The following TMEM248 variants were observed in gnomAD, a reference collection of about 807,000 sequenced individuals.
TMEM248 encodes transmembrane protein 248, also known as UPF0458 protein C7orf42.
Under a neutral mutation model 30.3 loss-of-function variants are expected in TMEM248, and 9 were observed. That is an observed-to-expected ratio of 0.30 (90% CI 0.18 to 0.52). TMEM248 has a LOEUF of 0.52. Ranked by LOEUF, TMEM248 falls within the 20% of genes least tolerant of loss-of-function variation. The probability of loss-of-function intolerance (pLI) is 0.97; values close to 1 mark genes in which losing one functional copy is unlikely to be tolerated. For missense variants in TMEM248, 338 were observed against 403.3 expected, an observed-to-expected ratio of 0.84 and a Z score of 1.39; for synonymous variants, 184 against 154.4, an observed-to-expected ratio of 1.19 and a Z score of -1.42.
At chr7:66,942,416 T>C (rs550538667) in intron 2 of TMEM248, among the ~76,000 whole-genome samples, 18 of 152,248 alleles carry the variant, frequency 1.2e-4, no homozygotes, top group Non-Finnish European at 2.1e-4. Flanking sequence ...TGGAGTTTTA[T>C]CAGCTATACT....
At chr7:66,946,202 C>T (rs1001798741) in intron 3 of TMEM248, among the ~76,000 whole-genome samples, 12 of 151,138 alleles carry the variant, frequency 7.9e-5, no homozygotes, top group African/African-American at 1.7e-4. Context: ...GTGGAGGTTG[C>T]GGTGAGCCGA....
Position 66,955,819 on chromosome 7 carries a change from G to T in TMEM248, c.*297G>T. On this transcript the variant is annotated 3_prime_UTR_variant, in exon 7 of 7. Coordinates refer to ENST00000341567, the MANE Select transcript of TMEM248 (RefSeq NM_017994.5). ...ACGTGTCTCTAGAGAAGGATTCCTG[G>T]ATCTAGCTGGTCACGACGATGTTTT... is the stretch of plus-strand genomic sequence containing the variant. 2.5e-6 allele frequency: 1 copy of T among 395,498 alleles called. No individual in the cohort carries two copies. Among genetic ancestry groups the T allele is most frequent in the South Asian group, 5.5e-5 (1 of 18,082 alleles). 24.5% of individuals were successfully genotyped at this position (395,498 alleles called of 1,614,324 possible). A position where few individuals can be genotyped will look rare whatever the true frequency, so the allele number is the denominator to read the frequency against.
chr7:66,936,388 T>A (rs1791805188), intron 1 of TMEM248, among the ~76,000 whole-genome samples: 1 of 152,248 alleles, frequency 6.6e-6, no homozygotes, highest in African/African-American at 2.4e-5. Flanking sequence ...GAACCATCCT[T>A]GCTTCTAAGG....
At chr7:66,936,902 A>AT (rs952976137) in intron 1 of TMEM248, among the ~76,000 whole-genome samples, 1 of 151,420 alleles carries the variant, frequency 6.6e-6, no homozygotes, top group Non-Finnish European at 1.5e-5. Context: ...GATCTTTTAT[A>AT]TTTTTTTGTT....
chr7:66,953,317 A>G lies in TMEM248; in HGVS notation c.872A>G (p.Lys291Arg). Residue 291 changes from lysine to arginine, a missense_variant, in exon 6 of 7, where the codon AAG becomes AGG. Transcript: ENST00000341567. ...ACAATGTTTTGCTATGCTGTTATCAAGGGCAGACCTAGCAAATTGCGTCAG... is the reference window on the plus strand; with the variant it reads ...ACAATGTTTTGCTATGCTGTTATCAGGGGCAGACCTAGCAAATTGCGTCAG... ...VITMFCYAVI[K>R]GRPSKLRQSN... The G allele has an allele frequency of 6.2e-7, 1 of 1,614,162 alleles. No homozygotes were observed. Among genetic ancestry groups the G allele is most frequent in the Non-Finnish European group, 8.5e-7 (1 of 1,180,018 alleles).
rs3800818 is a variant in TMEM248, at chr7:66,956,156, C to A, written c.*634C>A. On this transcript the variant is annotated 3_prime_UTR_variant, in exon 7 of 7. Transcript: ENST00000341567. ...AAAATAGTCACATTTTAATACTACT[C>A]TAGTTAGGACAGACTTGTGCTTTTA... is the stretch of plus-strand genomic sequence containing the variant. The A allele has an allele frequency of 0.088, 13,352 of 152,214 alleles. 749 individuals carry two copies. The highest frequency in any genetic ancestry group is 0.11 in the Non-Finnish European group (7,629 of 68,006). The allele number at this position is 152,214 out of a possible 1,614,324, so 9.4% of individuals were successfully genotyped here.
In TMEM248 at chr7:66,953,261, C is replaced by T. The variant is rs763415499; in HGVS notation, c.816C>T (p.His272=). The T allele has an allele frequency of 3.1e-6, 5 of 1,613,986 alleles. No homozygotes were observed. In the South Asian group the frequency reaches 3.3e-5, roughly 11 times the overall value. ...CATTAATAAATTTGCATCTCATGCA[C>T]ACCAGTTACTTCCTCTTTGTGATGG... ...DRSLINLHLM[H]TSYFLFVMVI... Residue 272 remains histidine, a synonymous_variant, in exon 6 of 7, where the codon CAC becomes CAT. Coordinates refer to ENST00000341567, the MANE Select transcript of TMEM248 (RefSeq NM_017994.5).
In TMEM248 at chr7:66,948,411, A is replaced by G. The variant is rs567206660; in HGVS notation, c.446-133A>G. ...AGGGTCAGGACTGCTCTTCTTCCTC[A>G]GATCCCACAAAGGCAGGTGCCTGGG... is the stretch of plus-strand genomic sequence containing the variant. On this transcript the variant is annotated intron_variant, in intron 3 of 6. Coordinates refer to ENST00000341567, the MANE Select transcript of TMEM248 (RefSeq NM_017994.5). 7 of 1,086,742 alleles carry G rather than the reference A, an allele frequency of 6.4e-6. No individual in the cohort carries two copies. The African/African-American group carries it at 9.4e-5, about 15-fold the overall frequency. 67.3% of individuals were successfully genotyped at this position (1,086,742 alleles called of 1,614,324 possible).
chr7:66,936,956 AT>A (rs1791820011), intron 1 of TMEM248, among the ~76,000 whole-genome samples: 1 of 151,160 alleles, frequency 6.6e-6, no homozygotes, highest in African/African-American at 2.4e-5. Context: ...ATTTCTTCTA[AT>A]TTTGTGTTTG....
intron 1 of TMEM248, among the ~76,000 whole-genome samples, chr7:66,924,450 G>A (rs897192953): frequency 6.6e-6 from 1 of 152,116 alleles, no homozygotes; most frequent in Non-Finnish European, 1.5e-5. Context: ...TGTCGTCCAG[G>A]CTAGAGTACA....
At chr7:66,931,360 G>A (rs915393431) in intron 1 of TMEM248, among the ~76,000 whole-genome samples, 2 of 151,170 alleles carry the variant, frequency 1.3e-5, no homozygotes, top group African/African-American at 4.9e-5. Flanking sequence ...TTTAAAACTT[G>A]GACAAGTAGC....
intron 1 of TMEM248, among the ~76,000 whole-genome samples, chr7:66,928,755 T>C (rs1313677783): frequency 1.3e-5 from 2 of 151,960 alleles, no homozygotes; most frequent in Non-Finnish European, 2.9e-5. Flanking sequence ...TCTCATTTGA[T>C]GGGATTGACT....
intron 1 of TMEM248, among the ~76,000 whole-genome samples, chr7:66,931,675 G>C (rs993012746): frequency 1.3e-5 from 2 of 149,582 alleles, no homozygotes; most frequent in African/African-American, 2.5e-5. Context: ...ACGGGGTCTT[G>C]TTGTGTTGGC....
chr7:66,932,965 A>G (rs1015780656), intron 1 of TMEM248, among the ~76,000 whole-genome samples: 16 of 151,700 alleles, frequency 1.1e-4, no homozygotes, highest in African/African-American at 3.1e-4. Context: ...GGTTCAAGCA[A>G]TTTGTGCCTC....
intron 4 of TMEM248, 30 bp from the exon 5 acceptor site, chr7:66,950,922 C>A: frequency 6.6e-7 from 1 of 1,523,806 alleles, no homozygotes; most frequent in Non-Finnish European, 8.8e-7. Context: ...CCACTGAGCA[C>A]GTGTCTTTCC....
chr7:66,954,361 T>TA (rs773871371), intron 6 of TMEM248, among the ~76,000 whole-genome samples: 15 of 151,904 alleles, frequency 9.9e-5, no homozygotes, highest in Admixed American at 2.6e-4. Context: ...TTTTTTTTCT[T>TA]TTGAGTATTT....
At chr7:66,934,836 G>A (rs1047766001) in intron 1 of TMEM248, among the ~76,000 whole-genome samples, 1 of 152,102 alleles carries the variant, frequency 6.6e-6, no homozygotes, top group Non-Finnish European at 1.5e-5. Flanking sequence ...CGTATCACTC[G>A]AGGACAGGAG....
rs1792427959 is a variant in TMEM248, at chr7:66,957,291, C to T, written c.*1769C>T. 2.6e-5 allele frequency: 4 copies of T among 152,302 alleles called. No homozygotes were observed. The highest frequency in any genetic ancestry group is 6.6e-5 in the Admixed American group (1 of 15,254). 9.4% of individuals were successfully genotyped at this position (152,302 alleles called of 1,614,324 possible). A position where few individuals can be genotyped will look rare whatever the true frequency, so the allele number is the denominator to read the frequency against. On this transcript the variant is annotated 3_prime_UTR_variant, in exon 7 of 7. Coordinates refer to ENST00000341567, the MANE Select transcript of TMEM248 (RefSeq NM_017994.5). ...AATACATTGGCCTAGAACATTTTAT[C>T]CCAGGCATTTTTGAATAGAAAACAG...
At chr7:66,927,373 G>A (rs1791552288) in intron 1 of TMEM248, among the ~76,000 whole-genome samples, 1 of 151,470 alleles carries the variant, frequency 6.6e-6, no homozygotes, top group South Asian at 2.1e-4. Context: ...TGAGACTACT[G>A]ATGTTGCCTA....
Sources: allele counts gnomAD v4.1 joint callset (sites outside exome capture counted in the v4.1 genomes callset), GRCh38; gene constraint gnomAD v4.1.1; transcripts MANE v1.5; gene names NCBI Gene and HGNC (gene_info 2026-07-23, HGNC 2026-07-21).